The following ANKS1B variants were observed in gnomAD, a reference collection of about 807,000 sequenced individuals.
ANKS1B encodes ankyrin repeat and sterile alpha motif domain containing 1B, also known as ankyrin repeat and sterile alpha motif domain-containing protein 1B.
In ANKS1B, 36 loss-of-function variants were observed where a neutral mutation model predicts 148.3. That is an observed-to-expected ratio of 0.24 (90% confidence interval 0.19 to 0.32). ANKS1B has a LOEUF of 0.32. Ranked by LOEUF, ANKS1B falls within the 10% of genes least tolerant of loss-of-function variation. The pLI is 1.00. For missense variants in ANKS1B, 1,157 were observed against 1,542.6 expected (o/e 0.75, Z 4.19); for synonymous variants, 542 against 560.8 (o/e 0.97, Z 0.47).
chr12:99,898,191 T>A (rs2153758675), intron 1 of ANKS1B, among the ~76,000 whole-genome samples: 1 of 152,326 alleles, frequency 6.6e-6, no homozygotes, highest in Non-Finnish European at 1.5e-5. Flanking sequence ...CCCCGATTTT[T>A]AAAATCTAGA....
At chr12:99,350,668 CT>C (rs1252244082) in intron 12 of ANKS1B, among the ~76,000 whole-genome samples, 1 of 152,030 alleles carries the variant, frequency 6.6e-6, no homozygotes, top group Non-Finnish European at 1.5e-5. Flanking sequence ...ATGAAGAATT[CT>C]AAAATGATTT....
At chr12:99,632,802 C>T (rs1438251787) in intron 9 of ANKS1B, among the ~76,000 whole-genome samples, 1 of 129,188 alleles carries the variant, frequency 7.7e-6, no homozygotes, top group Non-Finnish European at 1.6e-5. Context: ...GGTACATGTG[C>T]ACAATGTGCA....
At position 99,373,369 on chromosome 12, in the gene ANKS1B, A is replaced by C. The variant is rs556944585; in HGVS notation, c.1756+26262T>G. 3.9e-5 allele frequency among the ~76,000 whole-genome samples: 6 copies of C among 152,302 alleles called. No homozygotes were observed. In the East Asian group the frequency reaches 9.6e-4, roughly 24 times the overall value. On this transcript the variant is annotated intron_variant, in intron 12 of 26. Coordinates refer to ENST00000683438, the MANE Select transcript of ANKS1B (RefSeq NM_001352186.2). Reference sequence around the variant, plus strand: ...AAAAAGGAAAGACAGTGTGGTGGACATCTTTTGTTTTTGCTTGACTAGAAT... The same window carrying C: ...AAAAAGGAAAGACAGTGTGGTGGACCTCTTTTGTTTTTGCTTGACTAGAAT...
chr12:99,180,233 C>T (rs745403731), intron 14 of ANKS1B, among the ~76,000 whole-genome samples: 1 of 152,082 alleles, frequency 6.6e-6, no homozygotes, highest in Non-Finnish European at 1.5e-5. Context: ...ATTTATGCCT[C>T]TTACAAGGCA....
At chr12:99,707,027 AC>A (rs2055901876) in intron 8 of ANKS1B, among the ~76,000 whole-genome samples, 1 of 152,170 alleles carries the variant, frequency 6.6e-6, no homozygotes, top group Non-Finnish European at 1.5e-5. Context: ...AATACCTGAC[AC>A]ACGAAACTGT....
At chr12:99,980,476 T>A (rs1453100500) in intron 1 of ANKS1B, among the ~76,000 whole-genome samples, 2 of 152,004 alleles carry the variant, frequency 1.3e-5, no homozygotes, top group African/African-American at 2.4e-5. Context: ...CTTGCAAAAA[T>A]AAGATCATAC....
chr12:98,809,015 C>G lies in ANKS1B; in HGVS notation c.3067-1097G>C, dbSNP rs2099073148. On this transcript the variant is annotated intron_variant, in intron 19 of 26. Transcript: ENST00000683438. The stretch of plus-strand genomic sequence containing the variant: ...TATCCCTAGCTAAAAGTTTCCTCAC[C>G]CCAGAAACGCTCACCAGCAATTTAA... Among the ~76,000 whole-genome samples, 3 of 152,068 alleles carry G rather than the reference C, an allele frequency of 2.0e-5. No individual in the cohort carries two copies. The South Asian group carries it at 6.2e-4, about 32-fold the overall frequency.
intron 3 of ANKS1B, among the ~76,000 whole-genome samples, chr12:99,808,861 G>A (rs2067972780): frequency 6.6e-6 from 1 of 152,054 alleles, no homozygotes; most frequent in East Asian, 1.9e-4. Context: ...AATTACAAGA[G>A]CAAAATCGAA....
chr12:99,270,569 AT>A (rs1487581277), intron 12 of ANKS1B, among the ~76,000 whole-genome samples: 2 of 152,190 alleles, frequency 1.3e-5, no homozygotes, highest in African/African-American at 4.8e-5. Flanking sequence ...TGTGGCAAGT[AT>A]TTGAAATAAC....
chr12:99,322,498 AAG>A (rs1225859008), intron 12 of ANKS1B, among the ~76,000 whole-genome samples: 1 of 151,980 alleles, frequency 6.6e-6, no homozygotes, highest in Non-Finnish European at 1.5e-5. Flanking sequence ...AAAAAAGAAA[AAG>A]AAAAAAATCT....
rs184425091 is a variant in ANKS1B, at chr12:99,326,785, C to T, written c.1756+72846G>A. 9.9e-5 allele frequency among the ~76,000 whole-genome samples: 15 copies of T among 151,072 alleles called. No homozygotes were observed. In the Admixed American group the frequency reaches 1.0e-3, roughly 10 times the overall value. On this transcript the variant is annotated intron_variant, in intron 12 of 26. Transcript: ENST00000683438. ...TATATGGCACTTGATATTAGCATTG[C>T]AGTTCAAGTAGGGAAAATAGTTGAT...
chr12:99,973,192 TGAG>T (rs1342515318), intron 1 of ANKS1B, among the ~76,000 whole-genome samples: 2 of 152,206 alleles, frequency 1.3e-5, no homozygotes, highest in Admixed American at 6.5e-5. Flanking sequence ...GCCCAGAGAT[TGAG>T]GAGTAATTTT....
At chr12:98,779,579 G>C (rs551046180) in intron 24 of ANKS1B, among the ~76,000 whole-genome samples, 1 of 152,170 alleles carries the variant, frequency 6.6e-6, no homozygotes, top group East Asian at 1.9e-4. Flanking sequence ...TGGGATAGAG[G>C]GAGTTGTTTC....
At chr12:99,798,254 C>T (rs1186916432) in intron 4 of ANKS1B, among the ~76,000 whole-genome samples, 1 of 151,644 alleles carries the variant, frequency 6.6e-6, no homozygotes, top group East Asian at 1.9e-4. Context: ...GAAAATAGCA[C>T]AGATAGCATA....
At chr12:99,946,382 T>C (rs927638648) in intron 1 of ANKS1B, among the ~76,000 whole-genome samples, 1 of 152,144 alleles carries the variant, frequency 6.6e-6, no homozygotes, top group African/African-American at 2.4e-5. Flanking sequence ...GAGATCAGGG[T>C]GCCAGCATGG....
intron 1 of ANKS1B, among the ~76,000 whole-genome samples, chr12:99,933,388 C>T (rs998038011): frequency 6.6e-6 from 1 of 152,112 alleles, no homozygotes; most frequent in African/African-American, 2.4e-5. Context: ...TCTTCCAATC[C>T]ATGAACATGA....
chr12:99,100,001 G>C (rs1050694103), intron 15 of ANKS1B: 2 of 152,142 alleles, frequency 1.3e-5, no homozygotes, highest in African/African-American at 4.8e-5. Context: ...CCTGGTCCTT[G>C]CTTCACTTCA....
At chr12:99,296,235 TTATAC>T (rs2080857343) in intron 12 of ANKS1B, among the ~76,000 whole-genome samples, 1 of 152,208 alleles carries the variant, frequency 6.6e-6, no homozygotes, top group Non-Finnish European at 1.5e-5. Flanking sequence ...TATCATGACT[TTATAC>T]TATATCTTGA....
Position 98,962,654 on chromosome 12 carries a change from G to A in ANKS1B, c.2778+90503C>T, listed in dbSNP as rs180777197. Among the ~76,000 whole-genome samples the A allele has an allele frequency of 8.6e-5, 13 of 151,966 alleles. No homozygotes were observed. In the South Asian group the frequency reaches 2.1e-3, roughly 24 times the overall value. Reference sequence around the variant, plus strand: ...CAGCCTCAGAGTACGCATTCTTCTCGGCACATGGATTATTCTCAAGGATAG... The same window carrying A: ...CAGCCTCAGAGTACGCATTCTTCTCAGCACATGGATTATTCTCAAGGATAG... On this transcript the variant is annotated intron_variant, in intron 17 of 26. Coordinates refer to ENST00000683438, the MANE Select transcript of ANKS1B (RefSeq NM_001352186.2).
Sources: gnomAD v4.1 joint callset for allele counts (sites outside exome capture counted in the v4.1 genomes callset) on GRCh38, gnomAD v4.1.1 for gene constraint, MANE v1.5 for transcripts, NCBI Gene and HGNC (gene_info 2026-07-23, HGNC 2026-07-21) for gene names.